TENM4: variants seen among roughly 807,000 people sequenced by gnomAD.
TENM4 encodes teneurin transmembrane protein 4, also known as teneurin-4.
TENM4 carries 82 observed loss-of-function variants against 243.3 expected under a neutral mutation model. That is an observed-to-expected ratio of 0.34 (90% CI 0.28 to 0.40). TENM4 has a LOEUF of 0.40. TENM4 is among the 10% of genes least tolerant of loss of function. The pLI is 1.00. For synonymous variants in TENM4, 1,412 were observed against 1,456.3 expected (o/e 0.97, Z 0.69); for missense variants, 3,138 against 3,673.3 (o/e 0.85, Z 3.77).
chr11:79,301,386 C>G (rs1461435086), intron 1 of TENM4, among the ~76,000 whole-genome samples: 2 of 152,142 alleles, frequency 1.3e-5, no homozygotes, highest in Non-Finnish European at 2.9e-5. Flanking sequence ...GGGTGCTGCT[C>G]CCTTGGGCTG....
intron 6 of TENM4, among the ~76,000 whole-genome samples, chr11:78,972,139 T>C (rs1376198189): frequency 2.6e-5 from 4 of 152,208 alleles, no homozygotes; most frequent in Admixed American, 2.0e-4. Context: ...ACAATAAATG[T>C]TATTTTTAAC....
rs749835816 is a variant in TENM4, at chr11:78,658,152, C to G, written c.8216G>C (p.Gly2739Ala). ...LSTGRVQGYDGFFVISVEQYP... is the reference protein window; with the variant it reads ...LSTGRVQGYDAFFVISVEQYP... The stretch of plus-strand genomic sequence containing the variant: ...CTGCTCGACAGAGATCACGAAAAAG[C>G]CGTCGTAGCCTTGCACCCGCCCTGT... Residue 2739 changes from glycine to alanine, a missense_variant, in exon 34 of 34, where the codon GGC (glycine) becomes GCC (alanine). This residue lies in a region of TENM4 where 2,467 missense variants were observed against 3,059.1 expected (regional missense o/e 0.81). Transcript: ENST00000278550. The G allele has an allele frequency of 6.2e-7, 1 of 1,614,034 alleles. No homozygotes were observed. Among genetic ancestry groups the G allele is most frequent in the Non-Finnish European group, 8.5e-7 (1 of 1,179,894 alleles).
intron 2 of TENM4, among the ~76,000 whole-genome samples, chr11:79,255,164 T>G (rs1295669271): frequency 6.6e-6 from 1 of 152,036 alleles, no homozygotes; most frequent in Non-Finnish European, 1.5e-5. Context: ...AGAGGAAAAA[T>G]AAAGATGCCT....
intron 2 of TENM4, among the ~76,000 whole-genome samples, chr11:79,287,077 C>T (rs542098465): frequency 5.9e-5 from 9 of 152,234 alleles, no homozygotes; most frequent in East Asian, 1.9e-4. Flanking sequence ...ATGTTTGTTG[C>T]GAAGTGTGCT....
rs1047153169 is a variant in TENM4, at chr11:79,439,653, G to T, written c.-321+856C>A. Among the ~76,000 whole-genome samples, 6 of 118,146 alleles carry T rather than the reference G, an allele frequency of 5.1e-5. No homozygotes were observed. In the Admixed American group the frequency reaches 5.1e-4, roughly 10 times the overall value. 77.5% of individuals were successfully genotyped at this position (118,146 alleles called of 152,430 possible). On this transcript the variant is annotated intron_variant, in intron 1 of 33. Transcript: ENST00000278550. ...AGTTGGTTGTGTATTCCTCGGTTGC[G>T]TGTGTGTGTCCACACACACACACAC...
At chr11:79,404,869 G>A (rs561231064) in intron 1 of TENM4, among the ~76,000 whole-genome samples, 178 of 152,146 alleles carry the variant, frequency 1.2e-3, no homozygotes, top group African/African-American at 4.1e-3. Context: ...AGAAGACAGC[G>A]GGGGGTGGGG....
intron 12 of TENM4, among the ~76,000 whole-genome samples, chr11:78,835,367 A>G (rs1370959854): frequency 6.6e-6 from 1 of 152,154 alleles, no homozygotes; most frequent in African/African-American, 2.4e-5. Flanking sequence ...TTAGCTGGGC[A>G]TGGTGGTACA....
chr11:78,855,856 A>G (rs1858668550), intron 11 of TENM4, 108 bp downstream of exon 11: 1 of 1,061,102 alleles, frequency 9.4e-7, no homozygotes, highest in African/African-American at 1.6e-5. Context: ...TATAAAATAT[A>G]TAAATGTCCC....
chr11:79,371,958 G>T lies in TENM4; in HGVS notation c.-321+68551C>A, dbSNP rs1398678017. On this transcript the variant is annotated intron_variant, in intron 1 of 33. Transcript: ENST00000278550. ...TAAGAGGTAGGTGTGAATGGCAGCT[G>T]CGATGAACTGAGGAAGAGAGCCCAA... 2.6e-5 allele frequency among the ~76,000 whole-genome samples: 4 copies of T among 152,184 alleles called. 1 individual carries two copies. Among genetic ancestry groups the T allele is most frequent in the Admixed American group, 6.5e-5 (1 of 15,292 alleles).
intron 6 of TENM4, among the ~76,000 whole-genome samples, chr11:78,932,497 G>T (rs1219524100): frequency 1.7e-4 from 26 of 149,286 alleles, no homozygotes; most frequent in Admixed American, 1.7e-3. Context: ...CTACTCTCTG[G>T]ATTATCTCAC....
chr11:78,668,941 C>T lies in TENM4; in HGVS notation c.7404G>A (p.Met2468Ile), dbSNP rs1256512694. 2.5e-6 allele frequency: 4 copies of T among 1,612,136 alleles called. No individual in the cohort carries two copies. The highest frequency in any genetic ancestry group is 3.4e-6 in the Non-Finnish European group (4 of 1,178,586). ...TGAGTGAGCCGTGGTCCTTACCTGT[C>T]ATGAAGCACTTGATGTCCTGGGAGT... ...ISNSQDIKCF[M>I]TDVNSWLLTF... The change falls in exon 32 of 34, where the codon ATG (methionine) becomes ATA (isoleucine). Residue 2468 changes from methionine (M) to isoleucine (I), a missense_variant. Met to Ile is a conservative substitution (Grantham distance 10, BLOSUM62 1). Transcript: ENST00000278550.
intron 21 of TENM4, among the ~76,000 whole-genome samples, chr11:78,730,229 C>A (rs971587719): frequency 6.6e-6 from 1 of 152,164 alleles, no homozygotes; most frequent in Non-Finnish European, 1.5e-5. Flanking sequence ...GTGGTGCTGG[C>A]AGGAGGGATG....
chr11:79,343,556 GA>G (rs964614824), intron 1 of TENM4, among the ~76,000 whole-genome samples: 1 of 152,030 alleles, frequency 6.6e-6, no homozygotes, highest in Admixed American at 6.6e-5. Context: ...AGAGTGTTGG[GA>G]ATTCAGCTGA....
At chr11:78,660,483 G>A (rs1016229828) in intron 33 of TENM4, among the ~76,000 whole-genome samples, 1 of 152,162 alleles carries the variant, frequency 6.6e-6, no homozygotes, top group Non-Finnish European at 1.5e-5. Flanking sequence ...AGTGCCACCA[G>A]CGTACAGGGG....
chr11:78,918,929 C>T (rs1281880962), intron 6 of TENM4, among the ~76,000 whole-genome samples: 1 of 152,188 alleles, frequency 6.6e-6, no homozygotes, highest in African/African-American at 2.4e-5. Flanking sequence ...AGCTCTGCCA[C>T]TCACTCAGCT....
At chr11:79,135,369 T>C (rs1176205230) in intron 4 of TENM4, among the ~76,000 whole-genome samples, 1 of 151,590 alleles carries the variant, frequency 6.6e-6, no homozygotes, top group Non-Finnish European at 1.5e-5. Flanking sequence ...GGTGTGGATG[T>C]GGTGATCAGG....
intron 6 of TENM4, among the ~76,000 whole-genome samples, chr11:78,970,851 A>G (rs1235646691): frequency 6.6e-6 from 1 of 152,216 alleles, no homozygotes; most frequent in Admixed American, 6.5e-5. Flanking sequence ...GAACAAATAA[A>G]TTTGTATAAA....
intron 1 of TENM4, among the ~76,000 whole-genome samples, chr11:79,423,559 G>C (rs886496763): frequency 2.3e-5 from 1 of 44,070 alleles, no homozygotes; most frequent in African/African-American, 8.6e-5. Flanking sequence ...TTTTTTTTTT[G>C]CAAGGAAACT....
At chr11:79,308,603 T>G (rs761071012) in intron 1 of TENM4, among the ~76,000 whole-genome samples, 1 of 152,224 alleles carries the variant, frequency 6.6e-6, no homozygotes, top group Non-Finnish European at 1.5e-5. Context: ...ATGCTCACAT[T>G]ACCAACCTCT....
Sources: gnomAD v4.1 joint callset for allele counts (sites outside exome capture counted in the v4.1 genomes callset) on GRCh38, gnomAD v4.1.1 for gene constraint, gnomAD v4.1.1 regional missense constraint, MANE v1.5 for transcripts, NCBI Gene and HGNC (gene_info 2026-07-23, HGNC 2026-07-21) for gene names.